Variants in SMIM35 observed in about 807,000 individuals in gnomAD.
SMIM35 encodes TMPRSS4 antisense RNA 1 (non-protein coding).
intron 1 of SMIM35, among the ~76,000 whole-genome samples, chr11:118,076,740 C>G (rs1323628309): frequency 2.6e-5 from 4 of 152,130 alleles, no homozygotes; most frequent in African/African-American, 7.2e-5. Context: ...GCTGCAAACC[C>G]TGTCGCCCAA....
At chr11:118,084,899 C>A (rs544719587) in intron 1 of SMIM35, among the ~76,000 whole-genome samples, 1 of 152,186 alleles carries the variant, frequency 6.6e-6, no homozygotes, top group African/African-American at 2.4e-5. Context: ...GTCCCTGCCT[C>A]AGAGTTCAGG....
chr11:118,048,689 A>G (rs1241121683), intron 1 of SMIM35, among the ~76,000 whole-genome samples: 2 of 152,010 alleles, frequency 1.3e-5, no homozygotes, highest in Admixed American at 6.6e-5. Flanking sequence ...TGGCTCAGGA[A>G]TGATGCAAAA....
chr11:118,043,735 G>A (rs61900563), intron 1 of SMIM35, among the ~76,000 whole-genome samples: 33,794 of 151,112 alleles, frequency 0.22, 4,562 homozygotes, highest in Non-Finnish European at 0.31. Context: ...GCTTGAACCC[G>A]GGAGGTGGAG....
chr11:118,038,711 A>C (rs1184935150), intron 1 of SMIM35, among the ~76,000 whole-genome samples: 1 of 152,106 alleles, frequency 6.6e-6, no homozygotes, highest in East Asian at 1.9e-4. Context: ...AAAAAAAAAA[A>C]CAGGGGACCT....
At chr11:118,045,928 C>T (rs756728250) in intron 1 of SMIM35, among the ~76,000 whole-genome samples, 1 of 152,146 alleles carries the variant, frequency 6.6e-6, no homozygotes, top group Non-Finnish European at 1.5e-5. Flanking sequence ...GAGTTTTAAT[C>T]CTCTCTTATG....
chr11:118,029,302 A>C (rs1460260695), intron 1 of SMIM35, among the ~76,000 whole-genome samples: 1 of 152,224 alleles, frequency 6.6e-6, no homozygotes, highest in East Asian at 1.9e-4. Flanking sequence ...ACAAAAATAC[A>C]AAAAGTAGCT....
intron 4 of SMIM35, among the ~76,000 whole-genome samples, chr11:118,011,017 C>T (rs1345161980): frequency 6.6e-6 from 1 of 152,226 alleles, no homozygotes; most frequent in East Asian, 1.9e-4. Flanking sequence ...TCAACAGAAA[C>T]ACGCAAAGTC....
At chr11:118,010,205 T>A (rs992959103) in intron 4 of SMIM35, among the ~76,000 whole-genome samples, 13 of 152,192 alleles carry the variant, frequency 8.5e-5, no homozygotes, top group African/African-American at 2.4e-5. Flanking sequence ...AAAAAGATAA[T>A]AATGATCCTC....
intron 1 of SMIM35, among the ~76,000 whole-genome samples, chr11:118,054,808 T>C (rs1944285228): frequency 6.7e-6 from 1 of 150,332 alleles, no homozygotes; most frequent in Admixed American, 6.6e-5. Flanking sequence ...TTTCAGGATT[T>C]TTTTTTTTTT....
At chr11:118,073,301 C>T (rs1944602128) in intron 1 of SMIM35, among the ~76,000 whole-genome samples, 2 of 152,176 alleles carry the variant, frequency 1.3e-5, no homozygotes, top group Admixed American at 6.5e-5. Flanking sequence ...CCCCACTTTA[C>T]AGATGAAGAA....
intron 1 of SMIM35, among the ~76,000 whole-genome samples, chr11:118,057,584 G>T (rs1054306742): frequency 3.2e-4 from 49 of 152,224 alleles, no homozygotes; most frequent in African/African-American, 1.1e-3. Flanking sequence ...AGGTGCAGGG[G>T]TGATGTGGGT....
intron 1 of SMIM35, among the ~76,000 whole-genome samples, chr11:118,054,042 A>G (rs1475878761): frequency 6.6e-6 from 1 of 152,130 alleles, no homozygotes; most frequent in Non-Finnish European, 1.5e-5. Flanking sequence ...ATTTTTTACA[A>G]TTCCCTATGC....
At chr11:118,048,964 A>AAAG in intron 1 of SMIM35, among the ~76,000 whole-genome samples, 1 of 149,516 alleles carries the variant, frequency 6.7e-6, no homozygotes. Flanking sequence ...AAAAAAAAAA[A>AAAG]GCAAGTGAAA....
intron 1 of SMIM35, among the ~76,000 whole-genome samples, chr11:118,051,976 T>C (rs1944223669): frequency 6.6e-6 from 1 of 152,172 alleles, no homozygotes; most frequent in African/African-American, 2.4e-5. Flanking sequence ...ATGAACCTTC[T>C]GCAGAGGGAA....
intron 1 of SMIM35, among the ~76,000 whole-genome samples, chr11:118,084,074 C>A (rs1454464082): frequency 6.6e-6 from 1 of 152,110 alleles, no homozygotes; most frequent in Admixed American, 6.6e-5. Context: ...GTACTCTTAC[C>A]GTGCACCAGG....
intron 1 of SMIM35, among the ~76,000 whole-genome samples, chr11:118,057,946 C>G (rs1013535944): frequency 6.6e-6 from 1 of 152,142 alleles, no homozygotes; most frequent in Admixed American, 6.5e-5. Context: ...CAGACATTAT[C>G]GTTCAAAGTA....
intron 1 of SMIM35, among the ~76,000 whole-genome samples, chr11:118,030,153 G>A (rs1334445710): frequency 1.3e-5 from 2 of 151,920 alleles, no homozygotes; most frequent in Non-Finnish European, 2.9e-5. Flanking sequence ...TTCCACCTCA[G>A]CCTCCCGAGT....
intron 1 of SMIM35, among the ~76,000 whole-genome samples, chr11:118,045,330 G>GCGCACACACACACA: frequency 6.8e-6 from 1 of 146,124 alleles, no homozygotes; most frequent in East Asian, 2.0e-4. Context: ...ATACACACAT[G>GCGCACACACACACA]CACACACACA....
At chr11:118,021,766 T>C (rs1304860676) in intron 1 of SMIM35, among the ~76,000 whole-genome samples, 2 of 152,080 alleles carry the variant, frequency 1.3e-5, no homozygotes, top group Non-Finnish European at 2.9e-5. Flanking sequence ...AGCTTTAAAA[T>C]ATAAAAAGAA....
Sources: allele counts gnomAD v4.1 joint callset (sites outside exome capture counted in the v4.1 genomes callset), GRCh38; gene constraint gnomAD v4.1.1; transcripts MANE v1.5; gene names NCBI Gene and HGNC (gene_info 2026-07-23, HGNC 2026-07-21).